The following RALYL variants were observed in gnomAD, a reference collection of about 807,000 sequenced individuals.
The protein encoded by RALYL is RALY RNA binding protein like.
A neutral mutation model predicts 35.1 loss-of-function variants in RALYL; 29 were observed. The ratio of observed to expected loss-of-function variants is 0.83; its 90% confidence interval spans 0.61 to 1.13. The LOEUF (loss-of-function observed/expected upper bound fraction) is 1.13, where lower values mean the gene tolerates loss of function less well. RALYL is among the 50% of genes most tolerant of loss of function. The pLI, the probability that RALYL is intolerant of heterozygous loss-of-function variation, is 0.00. For synonymous variants in RALYL, 120 were observed against 127.6 expected (o/e 0.94, Z 0.40); for missense variants, 359 against 360.4 (o/e 1.00, Z 0.03).
chr8:84,913,805 C>A (rs3900098), intron 8 of RALYL, among the ~76,000 whole-genome samples: 68,783 of 151,072 alleles, frequency 0.46, 18,404 homozygotes, highest in African/African-American at 0.74. Flanking sequence ...TTTTAAATTA[C>A]CTATGTTTCC....
At chr8:84,749,340 C>A (rs1278226971) in intron 2 of RALYL, among the ~76,000 whole-genome samples, 1 of 151,920 alleles carries the variant, frequency 6.6e-6, no homozygotes, top group Non-Finnish European at 1.5e-5. Context: ...TTTTTATAGA[C>A]TTCTGGCCAT....
At chr8:84,220,045 C>CAGAA (rs1252005976) in intron 1 of RALYL, among the ~76,000 whole-genome samples, 2 of 151,970 alleles carry the variant, frequency 1.3e-5, no homozygotes, top group African/African-American at 4.8e-5. Flanking sequence ...AATGAATGTT[C>CAGAA]TACTAGGGTA....
At position 84,548,977 on chromosome 8, in the gene RALYL, G is replaced by A. The variant is rs577150367; in HGVS notation, c.256+19400G>A. Among the ~76,000 whole-genome samples the A allele has an allele frequency of 3.5e-4, 53 of 152,174 alleles. No individual in the cohort carries two copies. The South Asian group carries it at 3.5e-3, about 10-fold the overall frequency. ...AAATACAGACCCTTTTTATGTACTC[G>A]CAAATTGGATCATGAGAGCCCTCTG... On this transcript the variant is annotated intron_variant, in intron 2 of 8. Transcript: ENST00000521268.
chr8:84,842,591 A>G (rs1009360887), intron 4 of RALYL, among the ~76,000 whole-genome samples: 3 of 152,228 alleles, frequency 2.0e-5, no homozygotes, highest in African/African-American at 7.2e-5. Context: ...CAATAGAAAA[A>G]GAAGGAATCC....
intron 2 of RALYL, among the ~76,000 whole-genome samples, chr8:84,534,103 G>A (rs1251221132): frequency 6.6e-6 from 1 of 152,226 alleles, no homozygotes; most frequent in Non-Finnish European, 1.5e-5. Context: ...TACCTCATTT[G>A]TTTCTTTGTC....
At chr8:84,575,854 T>G (rs1422497864) in intron 2 of RALYL, among the ~76,000 whole-genome samples, 4 of 151,612 alleles carry the variant, frequency 2.6e-5, no homozygotes, top group African/African-American at 9.7e-5. Context: ...TGACTGGGCA[T>G]AGTGGCGTGC....
chr8:84,537,161 A>T (rs1421093194), intron 2 of RALYL, among the ~76,000 whole-genome samples: 7 of 6,362 alleles, frequency 1.1e-3, no homozygotes, highest in Non-Finnish European at 3.0e-3. Context: ...ATATATATTA[A>T]AAAAAAAAAA....
intron 2 of RALYL, among the ~76,000 whole-genome samples, chr8:84,722,275 T>A (rs1180728355): frequency 1.3e-5 from 2 of 152,006 alleles, no homozygotes; most frequent in African/African-American, 4.8e-5. Flanking sequence ...ATTCTGGACT[T>A]GGTAATTTAA....
intron 5 of RALYL, among the ~76,000 whole-genome samples, chr8:84,857,106 A>G (rs1166300996): frequency 6.6e-6 from 1 of 151,734 alleles, no homozygotes; most frequent in Non-Finnish European, 1.5e-5. Context: ...AGAAATGAAT[A>G]GGCACCTTAC....
chr8:84,812,260 T>C (rs988190378), intron 4 of RALYL, among the ~76,000 whole-genome samples: 3 of 152,186 alleles, frequency 2.0e-5, no homozygotes, highest in African/African-American at 7.2e-5. Flanking sequence ...ACACTGATTG[T>C]TGTCCCTCTT....
chr8:84,591,521 C>A, intron 2 of RALYL, among the ~76,000 whole-genome samples: 1 of 152,114 alleles, frequency 6.6e-6, no homozygotes, highest in East Asian at 1.9e-4. Context: ...TTTTAAATAA[C>A]AGATAGTAAG....
chr8:84,698,847 TC>T (rs1350969887), intron 2 of RALYL, among the ~76,000 whole-genome samples: 16 of 152,210 alleles, frequency 1.1e-4, no homozygotes, highest in African/African-American at 3.1e-4. Flanking sequence ...CACTTGCTGG[TC>T]CCCACCATTG....
intron 1 of RALYL, among the ~76,000 whole-genome samples, chr8:84,351,869 T>C (rs1850960521): frequency 6.7e-6 from 1 of 150,314 alleles, no homozygotes; most frequent in Non-Finnish European, 1.5e-5. Flanking sequence ...ATTCATTACA[T>C]TTGCAATTTA....
chr8:84,210,290 C>T (rs1436683148), intron 1 of RALYL, among the ~76,000 whole-genome samples: 1 of 151,870 alleles, frequency 6.6e-6, no homozygotes, highest in Non-Finnish European at 1.5e-5. Flanking sequence ...TACCGAGCCT[C>T]TGTATTGACA....
At chr8:84,720,538 T>G (rs1843703225) in intron 2 of RALYL, among the ~76,000 whole-genome samples, 1 of 152,028 alleles carries the variant, frequency 6.6e-6, no homozygotes, top group African/African-American at 2.4e-5. Flanking sequence ...ATAAAAAGAC[T>G]AGAAGAAAAA....
chr8:84,572,152 T>A (rs550855219), intron 2 of RALYL, among the ~76,000 whole-genome samples: 1 of 151,912 alleles, frequency 6.6e-6, no homozygotes, highest in Admixed American at 6.6e-5. Context: ...TGAGTCTGTT[T>A]GTGTCTTTAG....
chr8:84,839,419 G>A (rs1419381739), intron 4 of RALYL, among the ~76,000 whole-genome samples: 1 of 152,244 alleles, frequency 6.6e-6, no homozygotes, highest in Non-Finnish European at 1.5e-5. Context: ...CGAAGCTGGG[G>A]GAGGGATGCC....
At chr8:84,765,985 T>C (rs1310872830) in intron 2 of RALYL, among the ~76,000 whole-genome samples, 1 of 152,214 alleles carries the variant, frequency 6.6e-6, no homozygotes, top group Non-Finnish European at 1.5e-5. Context: ...ATATCAAAGT[T>C]AAATATATCT....
intron 2 of RALYL, among the ~76,000 whole-genome samples, chr8:84,606,069 G>A (rs1050867230): frequency 1.3e-5 from 2 of 152,046 alleles, no homozygotes; most frequent in African/African-American, 2.4e-5. Context: ...ATCACAGGAG[G>A]TTTTCAACCC....
Sources: gnomAD v4.1 joint callset for allele counts (sites outside exome capture counted in the v4.1 genomes callset) on GRCh38, gnomAD v4.1.1 for gene constraint, MANE v1.5 for transcripts, NCBI Gene and HGNC (gene_info 2026-07-23, HGNC 2026-07-21) for gene names.